The following CACTIN variants were observed in gnomAD, a reference collection of about 807,000 sequenced individuals.
CACTIN encodes the protein splicing factor Cactin.
In CACTIN, 20 loss-of-function variants were observed where a neutral mutation model predicts 84.9. The observed-to-expected ratio is 0.24, with a 90% CI of 0.17 to 0.34. CACTIN has a LOEUF of 0.34. CACTIN is among the 10% of genes least tolerant of loss of function. CACTIN has a pLI of 1.00. For synonymous variants in CACTIN, 549 were observed against 467.9 expected, an observed-to-expected ratio of 1.17 and a Z score of -2.24; for missense variants, 897 against 1,117.2, an observed-to-expected ratio of 0.80 and a Z score of 2.81.
chr19:3,611,834 C>T lies in CACTIN; in HGVS notation c.*89G>A. ...GGACGTGAACCCGCGGCCCTGCAGC[C>T]CAGACAGCGGCCCCGGAGTGACCAC... On this transcript the variant is annotated 3_prime_UTR_variant, in exon 10 of 10. Coordinates refer to ENST00000429344, the MANE Select transcript of CACTIN (RefSeq NM_001080543.2). 6.6e-7 allele frequency: 1 copy of T among 1,520,198 alleles called. No individual in the cohort carries two copies. Among genetic ancestry groups the T allele is most frequent in the Non-Finnish European group, 8.9e-7 (1 of 1,124,302 alleles). The allele number at this position is 1,520,198 out of a possible 1,614,324, so 94.2% of individuals were successfully genotyped here. A position where few individuals can be genotyped will look rare whatever the true frequency, so the allele number is the denominator to read the frequency against.
In CACTIN at chr19:3,611,786, AAAG is replaced by A; in HGVS notation, c.*134_*136del. The A allele has an allele frequency of 8.7e-7, 1 of 1,143,186 alleles. No individual in the cohort carries two copies. The highest frequency in any genetic ancestry group is 1.3e-6 in the Non-Finnish European group (1 of 788,400). 70.8% of individuals were successfully genotyped at this position (1,143,186 alleles called of 1,614,324 possible). On this transcript the variant is annotated 3_prime_UTR_variant, in exon 10 of 10. Coordinates refer to ENST00000429344, the MANE Select transcript of CACTIN (RefSeq NM_001080543.2). Reference sequence around the variant, plus strand: ...TATAGGAGGAAACTGAGGCCTGGCGAAAGAAAGATGCGGCCTGAGGTGGGACGT... The same window carrying A: ...TATAGGAGGAAACTGAGGCCTGGCGAAAAGATGCGGCCTGAGGTGGGACGT...
At chr19:3,617,224 A>G (rs1391607573) in intron 6 of CACTIN, among the ~76,000 whole-genome samples, 1 of 152,248 alleles carries the variant, frequency 6.6e-6, no homozygotes, top group East Asian at 1.9e-4. Flanking sequence ...GGCTACAGTG[A>G]GCCTTGATCG....
intron 2 of CACTIN, among the ~76,000 whole-genome samples, chr19:3,622,108 G>T (rs1056154609): frequency 2.0e-5 from 3 of 152,148 alleles, no homozygotes; most frequent in Non-Finnish European, 4.4e-5. Context: ...GCTGACACCT[G>T]TAATCCCAGC....
chr19:3,619,893 C>A (rs1262391789), intron 4 of CACTIN, among the ~76,000 whole-genome samples: 1 of 152,136 alleles, frequency 6.6e-6, no homozygotes, highest in Non-Finnish European at 1.5e-5. Flanking sequence ...GCAGGACTGG[C>A]GTCCAGCATG....
At position 3,620,196 on chromosome 19, in the gene CACTIN, T is replaced by C. The variant is rs1268425823; in HGVS notation, c.815A>G (p.Lys272Arg). 9 of 1,610,596 alleles carry C rather than the reference T, an allele frequency of 5.6e-6. No individual in the cohort carries two copies. The highest frequency in any genetic ancestry group is 7.6e-6 in the Non-Finnish European group (9 of 1,179,506). ...CCATGTCTTGAAGTGCTCTGCCTCC[T>C]TCTCGCGCTGCAGCATCTCCAGCTC... Reference protein sequence around the residue: ...EQELEMLQREKEAEHFKTWEE... With the variant: ...EQELEMLQREREAEHFKTWEE... The change falls in exon 4 of 10, where the codon AAG (lysine) becomes AGG (arginine). Residue 272 changes from lysine (K) to arginine (R), a missense_variant. Transcript: ENST00000429344.
intron 2 of CACTIN, 114 bp from the exon 3 acceptor site, chr19:3,620,916 T>C (rs1405137598): frequency 1.3e-6 from 1 of 782,876 alleles, no homozygotes; most frequent in Admixed American, 2.0e-5. Context: ...AGAGGTGACC[T>C]GCCAGCACTG....
At position 3,626,724 on chromosome 19, in the gene CACTIN, A is replaced by G. The variant is rs2033346294; in HGVS notation, c.39T>C (p.Gly13=). ...RDTRSRSRSA[G]RRGRRRQSQS... ...GACTCTGCCGCCTTCGGCCCCGGCG[A>G]CCCGCGGACCGCGAGCGCGAGCGTG... The change falls in exon 1 of 10, where the codon GGT becomes GGC. Residue 13 remains glycine (G), a synonymous_variant. Transcript: ENST00000429344. 1 of 1,491,628 alleles carries G rather than the reference A, an allele frequency of 6.7e-7. No individual in the cohort carries two copies. The highest frequency in any genetic ancestry group is 8.9e-7 in the Non-Finnish European group (1 of 1,126,624). The allele number at this position is 1,491,628 out of a possible 1,614,324, so 92.4% of individuals were successfully genotyped here.
chr19:3,618,432 G>GA (rs11445996), intron 6 of CACTIN, among the ~76,000 whole-genome samples: 2 of 152,122 alleles, frequency 1.3e-5, no homozygotes, highest in East Asian at 1.9e-4. Flanking sequence ...GGAGGGGGGG[G>GA]AAACGTGATT....
Position 3,613,339 on chromosome 19 carries a change from G to A in CACTIN, c.1505C>T (p.Thr502Ile), listed in dbSNP as rs2033017228. Residue 502 changes from threonine (T) to isoleucine (I), a missense_variant, in exon 9 of 10, where the codon ACC becomes ATC. By Grantham distance (89) the Thr-to-Ile change is moderately conservative (BLOSUM62 -1). Transcript: ENST00000429344. ...RSLEPEDAAP[T>I]PPGPSSEGGP... is the part of the protein sequence containing the mutation. ...GCCCTCCGAGGAGGGCCCGGGCGGG[G>A]TGGGCGCCGCGTCCTCAGGCTCCAG... 1.3e-6 allele frequency: 2 copies of A among 1,517,452 alleles called. No homozygotes were observed. Among genetic ancestry groups the A allele is most frequent in the Admixed American group, 2.1e-5 (1 of 46,992 alleles). The allele number at this position is 1,517,452 out of a possible 1,614,324, so 94.0% of individuals were successfully genotyped here.
At chr19:3,622,159 A>G (rs2033237482) in intron 2 of CACTIN, among the ~76,000 whole-genome samples, 1 of 152,124 alleles carries the variant, frequency 6.6e-6, no homozygotes, top group East Asian at 1.9e-4. Flanking sequence ...TGAGGTCAGG[A>G]GTTCGAGACC....
intron 4 of CACTIN, among the ~76,000 whole-genome samples, chr19:3,619,528 A>T (rs1599890746): frequency 6.6e-6 from 1 of 152,138 alleles, no homozygotes; most frequent in Admixed American, 6.5e-5. Flanking sequence ...TGTGCCCAGG[A>T]TGGCGGCTTC....
At position 3,611,936 on chromosome 19, in the gene CACTIN, C is replaced by T. The variant is rs550085862; in HGVS notation, c.2264G>A (p.Arg755His). Residue 755 changes from arginine to histidine, a missense_variant, in exon 10 of 10, where the codon CGC (arginine) becomes CAC (histidine). Physicochemically the swap from Arg to His is conservative, Grantham distance 29 (BLOSUM62 0). This residue lies in a region of CACTIN where 21 missense variants were observed against 61.8 expected (regional missense o/e 0.34). Coordinates refer to ENST00000429344, the MANE Select transcript of CACTIN (RefSeq NM_001080543.2). ...FQLWFHFKRY[R>H]YRR Reference sequence around the variant, plus strand: ...TCCCCAGGGCCGTCACCGCCGATAGCGGTAGCGCTTGAAGTGAAACCACAG... The same window carrying T: ...TCCCCAGGGCCGTCACCGCCGATAGTGGTAGCGCTTGAAGTGAAACCACAG... The T allele has an allele frequency of 1.2e-6, 2 of 1,613,110 alleles. No individual in the cohort carries two copies. The highest frequency in any genetic ancestry group is 2.2e-5 in the South Asian group (2 of 91,056).
At chr19:3,614,882 C>G (rs964622529) in intron 6 of CACTIN, 11 of 488,260 alleles carry the variant, frequency 2.3e-5, no homozygotes, top group Non-Finnish European at 4.1e-5. Flanking sequence ...TGAGAATGCC[C>G]CTCCCCAGGT....
At chr19:3,624,443 G>C (rs2033292959) in intron 1 of CACTIN, among the ~76,000 whole-genome samples, 1 of 152,158 alleles carries the variant, frequency 6.6e-6, no homozygotes. Context: ...GCCGAGGTCA[G>C]AGAGGGGCTC....
chr19:3,613,639 C>A, intron 7 of CACTIN, 53 bp from the exon 8 acceptor site: 1 of 1,551,138 alleles, frequency 6.4e-7, no homozygotes, highest in Non-Finnish European at 8.7e-7. Flanking sequence ...CTCCGCGCCC[C>A]ACCCCCACCG....
intron 3 of CACTIN, 101 bp downstream of exon 3, chr19:3,620,606 C>T (rs2033203027): frequency 2.2e-6 from 2 of 912,370 alleles, no homozygotes; most frequent in Non-Finnish European, 3.3e-6. Flanking sequence ...AAGCCAGCCC[C>T]CAGGACTTCC....
At chr19:3,626,053 G>A (rs1391615160) in intron 1 of CACTIN, among the ~76,000 whole-genome samples, 1 of 152,022 alleles carries the variant, frequency 6.6e-6, no homozygotes, top group African/African-American at 2.4e-5. Flanking sequence ...TCTACTTCCA[G>A]AATCCCTCTG....
At position 3,613,262 on chromosome 19, in the gene CACTIN, C is replaced by T. The variant is rs1045047734; in HGVS notation, c.1582G>A (p.Asp528Asn). The T allele has an allele frequency of 2.5e-6, 4 of 1,608,772 alleles. No homozygotes were observed. The highest frequency in any genetic ancestry group is 3.4e-6 in the Non-Finnish European group (4 of 1,178,778). ...TCGCCCTCGCCCTCACCGTCCCCGT[C>T]GCCGTCGCCCTCTGTCGGGGTCGCG... Reference protein sequence around the residue: ...DGATPTEGDGDGDGEGEGEGE... With the variant: ...DGATPTEGDGNGDGEGEGEGE... The change falls in exon 9 of 10, where the codon GAC (aspartate) becomes AAC (asparagine). Residue 528 changes from aspartate to asparagine, a missense_variant. Asp to Asn is a conservative substitution (Grantham distance 23). Transcript: ENST00000429344.
chr19:3,618,427 G>C (rs557160219), intron 6 of CACTIN, among the ~76,000 whole-genome samples: 14 of 152,356 alleles, frequency 9.2e-5, no homozygotes, highest in African/African-American at 2.6e-4. Context: ...CACACGGAGG[G>C]GGGGGAAACG....
Sources: gnomAD v4.1 joint callset for allele counts (sites outside exome capture counted in the v4.1 genomes callset) on GRCh38, gnomAD v4.1.1 for gene constraint, gnomAD v4.1.1 regional missense constraint, MANE v1.5 for transcripts, NCBI Gene and HGNC (gene_info 2026-07-23, HGNC 2026-07-21) for gene names.